The following NAA11 variants were observed in gnomAD, a reference collection of about 807,000 sequenced individuals.
NAA11 encodes the protein N-alpha-acetyltransferase 11, NatA catalytic subunit.
Under a neutral mutation model 16.1 loss-of-function variants are expected in NAA11, and 15 were observed. The ratio of observed to expected loss-of-function variants is 0.93; its 90% CI spans 0.62 to 1.44. NAA11 has a LOEUF of 1.44. Among genes scored for constraint, NAA11 ranks in the 40% most tolerant of loss-of-function variants. The pLI is 0.00. For synonymous variants in NAA11, 122 were observed against 112.4 expected (o/e 1.09, Z -0.54); for missense variants, 298 against 291.3 (o/e 1.02, Z -0.17).
chr4:79,305,265 G>C (rs1367949274), intron 1 of NAA11: 2 of 151,962 alleles, frequency 1.3e-5, no homozygotes, highest in African/African-American at 4.8e-5. Context: ...TAATAACTAA[G>C]GTAAAATACT....
At chr4:79,222,212 G>A (rs1721203673), downstream of NAA11, among the ~76,000 whole-genome samples, 1 of 152,062 alleles carries the variant, frequency 6.6e-6, no homozygotes, top group Non-Finnish European at 1.5e-5. Flanking sequence ...CTGTGGGATC[G>A]GTGGTGACAT....
intron 2 of NAA11, among the ~76,000 whole-genome samples, chr4:79,260,913 A>G (rs1211801339): frequency 6.6e-6 from 1 of 152,236 alleles, no homozygotes; most frequent in Non-Finnish European, 1.5e-5. Flanking sequence ...TTACTTTTGT[A>G]AAGTCTTTTC....
At chr4:79,259,956 A>T (rs1190640068) in intron 2 of NAA11, among the ~76,000 whole-genome samples, 1 of 152,160 alleles carries the variant, frequency 6.6e-6, no homozygotes, top group Admixed American at 6.5e-5. Context: ...TCTTTGATGG[A>T]AGCCCTAATG....
chr4:79,302,915 A>ACAGAAAT (rs1340668306), intron 1 of NAA11, among the ~76,000 whole-genome samples: 1 of 151,780 alleles, frequency 6.6e-6, no homozygotes, highest in Non-Finnish European at 1.5e-5. Context: ...GTTAGATAAG[A>ACAGAAAT]CAGAAATAAA....
At chr4:79,274,619 C>T (rs1175574065) in intron 2 of NAA11, among the ~76,000 whole-genome samples, 1 of 151,996 alleles carries the variant, frequency 6.6e-6, no homozygotes, top group Non-Finnish European at 1.5e-5. Context: ...CGCATCTTAG[C>T]TTTAGTTTCC....
the NAA11 span, among the ~76,000 whole-genome samples, chr4:79,203,078 T>G: frequency 6.6e-6 from 1 of 151,650 alleles, no homozygotes; most frequent in East Asian, 1.9e-4. Context: ...TTTTTAAGTA[T>G]TTATTCTAAT....
intron 2 of NAA11, among the ~76,000 whole-genome samples, chr4:79,230,175 CA>C (rs1560691022): frequency 1.3e-5 from 2 of 149,142 alleles, no homozygotes; most frequent in African/African-American, 2.5e-5. Context: ...ATCGCAAGAA[CA>C]AAAAACCAAA....
At chr4:79,321,717 C>G (rs1031456472) in intron 1 of NAA11, among the ~76,000 whole-genome samples, 1 of 152,088 alleles carries the variant, frequency 6.6e-6, no homozygotes, top group Admixed American at 6.5e-5. Context: ...ATTATAGATA[C>G]TTAAGGTATC....
At chr4:79,259,560 G>A (rs921791663) in intron 2 of NAA11, among the ~76,000 whole-genome samples, 5 of 152,216 alleles carry the variant, frequency 3.3e-5, no homozygotes, top group African/African-American at 7.2e-5. Context: ...AGCATGAGCC[G>A]AATGCAGCCT....
At chr4:79,159,580 A>T in the NAA11 span, among the ~76,000 whole-genome samples, 1 of 152,142 alleles carries the variant, frequency 6.6e-6, no homozygotes, top group Non-Finnish European at 1.5e-5. Context: ...CAAAACATTT[A>T]ATCACCCCCC....
At chr4:79,268,259 GTTTA>G (rs1305920513) in intron 2 of NAA11, among the ~76,000 whole-genome samples, 3 of 152,070 alleles carry the variant, frequency 2.0e-5, no homozygotes, top group Non-Finnish European at 4.4e-5. Context: ...ATAATCAGTA[GTTTA>G]TTTAACATCA....
chr4:79,294,788 TCCA>T (rs1241678675), intron 1 of NAA11, among the ~76,000 whole-genome samples: 3 of 152,178 alleles, frequency 2.0e-5, no homozygotes, highest in Non-Finnish European at 2.9e-5. Flanking sequence ...TGAAAAATGA[TCCA>T]TAGTTTTCTA....
intron 2 of NAA11, among the ~76,000 whole-genome samples, chr4:79,266,919 T>A (rs1311539452): frequency 6.6e-6 from 1 of 152,218 alleles, no homozygotes; most frequent in Non-Finnish European, 1.5e-5. Context: ...AAGGTCTTTT[T>A]AAATAACATA....
the NAA11 span, among the ~76,000 whole-genome samples, chr4:79,186,150 G>T: frequency 6.6e-6 from 1 of 152,164 alleles, no homozygotes; most frequent in Non-Finnish European, 1.5e-5. Context: ...TGCTGAAAAT[G>T]CTACAAGCCC....
the NAA11 span, among the ~76,000 whole-genome samples, chr4:79,209,883 T>C: frequency 6.6e-6 from 1 of 152,012 alleles, no homozygotes; most frequent in African/African-American, 2.4e-5. Flanking sequence ...TCATCTCTAC[T>C]GCAAATACAA....
At chr4:79,177,178 C>G in the NAA11 span, among the ~76,000 whole-genome samples, 1 of 151,526 alleles carries the variant, frequency 6.6e-6, no homozygotes, top group African/African-American at 2.4e-5. Context: ...TTTACCAAGG[C>G]AGTGTGTATC....
chr4:79,283,311 C>T (rs931167641), intron 2 of NAA11, among the ~76,000 whole-genome samples: 11 of 151,192 alleles, frequency 7.3e-5, no homozygotes, highest in African/African-American at 2.2e-4. Context: ...TTTTTTAATG[C>T]TAATGAAAAT....
At chr4:79,280,040 T>C (rs368148134) in intron 2 of NAA11, among the ~76,000 whole-genome samples, 2 of 152,120 alleles carry the variant, frequency 1.3e-5, no homozygotes, top group African/African-American at 4.8e-5. Context: ...TCTGAAGATA[T>C]AATAATGCTG....
chr4:79,325,100 G>A, intron 1 of NAA11, 76 bp downstream of exon 1: 1 of 1,304,156 alleles, frequency 7.7e-7, no homozygotes, highest in South Asian at 1.5e-5. Flanking sequence ...GGGTAAGACA[G>A]GATGGAATTG....
Sources: gnomAD v4.1 joint callset for allele counts (sites outside exome capture counted in the v4.1 genomes callset) on GRCh38, gnomAD v4.1.1 for gene constraint, MANE v1.5 for transcripts, NCBI Gene and HGNC (gene_info 2026-07-23, HGNC 2026-07-21) for gene names.